UBE2H: variants seen among roughly 807,000 people sequenced by gnomAD.
UBE2H encodes the protein ubiquitin conjugating enzyme E2 H, also known as ubiquitin-conjugating enzyme E2 H.
In UBE2H, 3 loss-of-function variants were observed where a neutral mutation model predicts 29.0. The observed-to-expected ratio is 0.10, with a 90% confidence interval of 0.05 to 0.27. The LOEUF is 0.27. Among genes scored for constraint, UBE2H ranks in the 10% least tolerant of loss-of-function variants. UBE2H has a pLI of 1.00. For missense variants in UBE2H, 68 were observed against 228.2 expected (o/e 0.30, Z 4.52); for synonymous variants, 69 against 82.9 (o/e 0.83, Z 0.91).
chr7:129,835,075 G>C lies in UBE2H; in HGVS notation c.428-14C>G, dbSNP rs752409292. Reference sequence around the variant, plus strand: ...TCTGGATGTACTCTGCACGGGGTGGGAGAAAGACAACAAGGGCAGTGAGTG... The same window carrying C: ...TCTGGATGTACTCTGCACGGGGTGGCAGAAAGACAACAAGGGCAGTGAGTG... On this transcript the variant is annotated splice_polypyrimidine_tract_variant and intron_variant, in intron 6 of 6. Coordinates refer to ENST00000355621, the MANE Select transcript of UBE2H (RefSeq NM_003344.4). 6.2e-7 allele frequency: 1 copy of C among 1,613,940 alleles called. No individual in the cohort carries two copies. The highest frequency in any genetic ancestry group is 1.1e-5 in the South Asian group (1 of 91,060).
chr7:129,896,720 A>G (rs140780769), intron 1 of UBE2H, among the ~76,000 whole-genome samples: 339 of 152,114 alleles, frequency 2.2e-3, no homozygotes, highest in Non-Finnish European at 3.4e-3. Context: ...CTGTTTTTCC[A>G]TTTTAAATAC....
intron 1 of UBE2H, among the ~76,000 whole-genome samples, chr7:129,883,268 A>T (rs1053045579): frequency 1.2e-4 from 18 of 152,194 alleles, no homozygotes; most frequent in Admixed American, 7.9e-4. Flanking sequence ...TTATTTTTTT[A>T]AAAATAGACA....
At chr7:129,927,965 C>G (rs1388490067) in intron 1 of UBE2H, among the ~76,000 whole-genome samples, 1 of 147,864 alleles carries the variant, frequency 6.8e-6, no homozygotes, top group Admixed American at 6.8e-5. Flanking sequence ...GGAGGCGGGT[C>G]AGTTGAGCCC....
intron 1 of UBE2H, among the ~76,000 whole-genome samples, chr7:129,932,709 G>C (rs1162671773): frequency 1.3e-5 from 2 of 149,572 alleles, no homozygotes. Flanking sequence ...GGAAGGCGGA[G>C]GTTGCAGTGA....
intron 3 of UBE2H, among the ~76,000 whole-genome samples, chr7:129,869,139 T>C (rs568392238): frequency 2.0e-5 from 3 of 152,216 alleles, no homozygotes; most frequent in Admixed American, 2.0e-4. Flanking sequence ...GGTTTCTCTA[T>C]GTTGGTCAGG....
rs955839768 is a variant in UBE2H at position 129,830,831 on chromosome 7, C to G, written c.*4106G>C. The stretch of plus-strand genomic sequence containing the variant: ...TCAGAGGAGGCATGTGTCCTGTTGA[C>G]AGACGTGCCTACTAGATCATCACAA... On this transcript the variant is annotated 3_prime_UTR_variant, in exon 7 of 7. Transcript: ENST00000355621. 6.8e-6 allele frequency: 1 copy of G among 146,730 alleles called. No individual in the cohort carries two copies. Among genetic ancestry groups the G allele is most frequent in the African/African-American group, 2.6e-5 (1 of 39,204 alleles). 9.1% of individuals were successfully genotyped at this position (146,730 alleles called of 1,614,324 possible). A position where few individuals can be genotyped will look rare whatever the true frequency, so the allele number is the denominator to read the frequency against.
intron 1 of UBE2H, among the ~76,000 whole-genome samples, chr7:129,893,692 A>G: frequency 6.6e-6 from 1 of 152,374 alleles, no homozygotes; most frequent in African/African-American, 2.4e-5. Context: ...AAATATCAAT[A>G]GCTCCTTAAT....
At chr7:129,865,820 T>C (rs1029576697) in intron 3 of UBE2H, among the ~76,000 whole-genome samples, 1 of 152,254 alleles carries the variant, frequency 6.6e-6, no homozygotes, top group Non-Finnish European at 1.5e-5. Flanking sequence ...AAAATATTCT[T>C]ATTAAAGACT....
intron 1 of UBE2H, among the ~76,000 whole-genome samples, chr7:129,936,019 C>T (rs1366197315): frequency 6.6e-6 from 1 of 152,144 alleles, no homozygotes; most frequent in Non-Finnish European, 1.5e-5. Context: ...CGGAAAGCCA[C>T]CATTGCTTTG....
At chr7:129,893,171 G>A (rs1320474160) in intron 1 of UBE2H, among the ~76,000 whole-genome samples, 1 of 152,112 alleles carries the variant, frequency 6.6e-6, no homozygotes, top group Non-Finnish European at 1.5e-5. Flanking sequence ...TTACCACCTA[G>A]CAGACTAAAT....
chr7:129,943,501 C>A (rs1292160912), intron 1 of UBE2H, among the ~76,000 whole-genome samples: 3 of 151,978 alleles, frequency 2.0e-5, no homozygotes, highest in Admixed American at 2.0e-4. Context: ...TGCTTTAGGC[C>A]AAGCGCCGGG....
intron 1 of UBE2H, among the ~76,000 whole-genome samples, chr7:129,897,621 A>T (rs1806624499): frequency 6.6e-6 from 1 of 152,234 alleles, no homozygotes; most frequent in Admixed American, 6.5e-5. Flanking sequence ...CTACAGATGG[A>T]TACACTAGAC....
intron 1 of UBE2H, among the ~76,000 whole-genome samples, chr7:129,899,960 T>A (rs116217997): frequency 0.047 from 7,188 of 151,878 alleles, 192 homozygotes; most frequent in South Asian, 0.13. Flanking sequence ...AAACCCCGTC[T>A]CTCTACTAAA....
intron 1 of UBE2H, among the ~76,000 whole-genome samples, chr7:129,885,044 G>A (rs942232760): frequency 1.3e-5 from 2 of 150,562 alleles, no homozygotes; most frequent in Admixed American, 6.7e-5. Context: ...TCCAGCCTGA[G>A]AGAGAGAGAA....
At chr7:129,942,468 C>G (rs1807667588) in intron 1 of UBE2H, among the ~76,000 whole-genome samples, 1 of 152,284 alleles carries the variant, frequency 6.6e-6, no homozygotes, top group South Asian at 2.1e-4. Context: ...GCCTGGGCAA[C>G]AAGAGTGAAA....
At chr7:129,873,240 C>T (rs574660195) in intron 3 of UBE2H, among the ~76,000 whole-genome samples, 11 of 151,510 alleles carry the variant, frequency 7.3e-5, no homozygotes, top group Non-Finnish European at 1.3e-4. Context: ...AGGATGGTCT[C>T]GATCTCCTGA....
At chr7:129,909,656 G>A (rs1806889876) in intron 1 of UBE2H, among the ~76,000 whole-genome samples, 1 of 152,074 alleles carries the variant, frequency 6.6e-6, no homozygotes, top group African/African-American at 2.4e-5. Flanking sequence ...AGGAGTTCAA[G>A]ACCTGCCTAG....
chr7:129,916,282 A>G (rs1381665168), intron 1 of UBE2H, among the ~76,000 whole-genome samples: 1 of 152,196 alleles, frequency 6.6e-6, no homozygotes, highest in Non-Finnish European at 1.5e-5. Context: ...ACAGGAAAAC[A>G]GTTTCCAGAT....
intron 6 of UBE2H, among the ~76,000 whole-genome samples, chr7:129,836,879 CAAAAAAAAAAAAAAAAAAA>C (rs61226846): frequency 2.0e-4 from 15 of 73,748 alleles, no homozygotes; most frequent in South Asian, 6.7e-4. Flanking sequence ...GACTCCGTCT[CAAAAAAAAAAAAAAAAAAA>C]AAAAAAAAAA....
Sources: gnomAD v4.1 joint callset for allele counts (sites outside exome capture counted in the v4.1 genomes callset) on GRCh38, gnomAD v4.1.1 for gene constraint, MANE v1.5 for transcripts, NCBI Gene and HGNC (gene_info 2026-07-23, HGNC 2026-07-21) for gene names.